Variants in TMEM87B observed in about 807,000 individuals in gnomAD.
TMEM87B encodes the protein transmembrane protein 87B.
Under a neutral mutation model 80.3 loss-of-function variants are expected in TMEM87B, and 83 were observed. The observed-to-expected ratio is 1.03, with a 90% CI of 0.87 to 1.24. The LOEUF (loss-of-function observed/expected upper bound fraction) is 1.24. TMEM87B is among the 50% of genes most tolerant of loss of function. The pLI is 0.00. For missense variants in TMEM87B, 625 were observed against 674.4 expected (o/e 0.93, Z 0.81); for synonymous variants, 219 against 230.5 (o/e 0.95, Z 0.45).
At chr2:112,095,423 G>A in intron 11 of TMEM87B, 1 of 983,146 alleles carries the variant, frequency 1.0e-6, no homozygotes, top group Non-Finnish European at 1.2e-6. Context: ...ACAGTGTCTT[G>A]GTAAGTGGAG....
rs561752709 is a variant in TMEM87B at position 112,109,664 on chromosome 2, C to CTTTT, written c.1577+1843_1577+1846dup. ...TGTTTATGATATGCCTAAGTATGGT[C>CTTTT]TTTTTTTTTTTTTTTTTTTTTTGTC... On this transcript the variant is annotated intron_variant, in intron 17 of 18. Transcript: ENST00000283206. Among the ~76,000 whole-genome samples the CTTTT allele has an allele frequency of 9.4e-3, 434 of 46,330 alleles. 17 individuals are homozygous for CTTTT. The highest frequency in any genetic ancestry group is 0.019 in the Middle Eastern group (1 of 52). The allele number at this position is 46,330 out of a possible 152,430, so 30.4% of individuals were successfully genotyped here. A position where few individuals can be genotyped will look rare whatever the true frequency, so the allele number is the denominator to read the frequency against.
intron 11 of TMEM87B, among the ~76,000 whole-genome samples, chr2:112,094,946 T>A (rs1335193506): frequency 6.6e-6 from 1 of 151,728 alleles, no homozygotes; most frequent in Non-Finnish European, 1.5e-5. Flanking sequence ...AAAGCAGAAC[T>A]AAATACGTAT....
chr2:112,085,957 G>A (rs1410775086), intron 8 of TMEM87B, 48 bp from the exon 9 acceptor site: 6 of 1,519,206 alleles, frequency 3.9e-6, no homozygotes, highest in African/African-American at 1.4e-5. Context: ...TGGTTGGCAG[G>A]CTTCCAGGTG....
At chr2:112,106,455 T>C (rs1055150127) in intron 16 of TMEM87B, among the ~76,000 whole-genome samples, 5 of 152,160 alleles carry the variant, frequency 3.3e-5, no homozygotes, top group African/African-American at 1.2e-4. Flanking sequence ...AATAAAAGCT[T>C]GTGTTAACTT....
Position 112,098,552 on chromosome 2 carries a change from ATCAGAAAATTAACGTT to A in TMEM87B, c.1273-39_1273-24del, listed in dbSNP as rs772846302. The A allele has an allele frequency of 7.0e-6, 11 of 1,578,234 alleles. No homozygotes were observed. The African/African-American group carries it at 1.2e-4, about 17-fold the overall frequency. On this transcript the variant is annotated intron_variant, in intron 13 of 18. Coordinates refer to ENST00000283206, the MANE Select transcript of TMEM87B (RefSeq NM_032824.3). The stretch of plus-strand genomic sequence containing the variant: ...ATTTGAATGGGAAACCTATATGCTT[ATCAGAAAATTAACGTT>A]TCATGCTTGAATTGTCCTTCTTTTA...
chr2:112,091,948 C>G (rs1371284365), intron 11 of TMEM87B, among the ~76,000 whole-genome samples, 165 bp downstream of exon 11: 1 of 152,174 alleles, frequency 6.6e-6, no homozygotes, highest in Non-Finnish European at 1.5e-5. Flanking sequence ...CAAGGAATAT[C>G]TTTATTTTTT....
intron 6 of TMEM87B, among the ~76,000 whole-genome samples, chr2:112,077,489 T>A (rs1033176015): frequency 6.6e-6 from 1 of 152,234 alleles, no homozygotes; most frequent in Admixed American, 6.5e-5. Flanking sequence ...AATTTTACTG[T>A]GTTAAGATAA....
At chr2:112,085,780 G>A (rs1455950730) in intron 8 of TMEM87B, among the ~76,000 whole-genome samples, 1 of 152,208 alleles carries the variant, frequency 6.6e-6, no homozygotes, top group Admixed American at 6.5e-5. Context: ...AGAAAGCTGT[G>A]CCCAGTGGAG....
intron 3 of TMEM87B, among the ~76,000 whole-genome samples, chr2:112,065,666 A>C (rs1010375522): frequency 1.8e-4 from 26 of 146,884 alleles, no homozygotes; most frequent in Admixed American, 2.7e-4. Context: ...AAAAAAAAAA[A>C]GTTCACCAGT....
intron 1 of TMEM87B, among the ~76,000 whole-genome samples, 157 bp from the exon 2 acceptor site, chr2:112,059,819 AG>A (rs1318493964): frequency 6.6e-6 from 1 of 152,212 alleles, no homozygotes; most frequent in East Asian, 1.9e-4. Context: ...AACCATGACA[AG>A]GTTTTAAGCA....
At chr2:112,080,501 C>T (rs559902814) in intron 6 of TMEM87B, among the ~76,000 whole-genome samples, 18 of 149,142 alleles carry the variant, frequency 1.2e-4, no homozygotes, top group African/African-American at 1.7e-4. Flanking sequence ...CCTCGTAATC[C>T]GCCCGCCTTG....
At chr2:112,070,146 T>C (rs990064138) in intron 4 of TMEM87B, among the ~76,000 whole-genome samples, 1 of 152,232 alleles carries the variant, frequency 6.6e-6, no homozygotes, top group African/African-American at 2.4e-5. Flanking sequence ...GTTGATAGTT[T>C]CTTTTGCTGT....
intron 5 of TMEM87B, 91 bp downstream of exon 5, chr2:112,075,053 T>C (rs572454165): frequency 1.4e-6 from 2 of 1,474,012 alleles, no homozygotes; most frequent in Non-Finnish European, 1.8e-6. Flanking sequence ...TAGAGAGTGA[T>C]ATAAAGTAGG....
chr2:112,094,193 C>T (rs1485952347), intron 11 of TMEM87B, among the ~76,000 whole-genome samples: 3 of 146,834 alleles, frequency 2.0e-5, no homozygotes, highest in East Asian at 3.9e-4. Context: ...GACGGAGTCT[C>T]GCTCTGTCAC....
intron 10 of TMEM87B, 118 bp downstream of exon 10, chr2:112,089,836 T>C: frequency 1.1e-6 from 1 of 886,652 alleles, no homozygotes; most frequent in Non-Finnish European, 1.8e-6. Context: ...CAATTTGAAC[T>C]TTTCTTCTAT....
rs753673192 is a variant in TMEM87B at position 112,055,793 on chromosome 2, CGGGCCGTCA to C, written c.165+46_165+54del. 5 of 1,449,898 alleles carry C rather than the reference CGGGCCGTCA, an allele frequency of 3.4e-6. No homozygotes were observed. In the South Asian group the frequency reaches 4.4e-5, roughly 13 times the overall value. The allele number at this position is 1,449,898 out of a possible 1,614,324, so 89.8% of individuals were successfully genotyped here. ...GTCGGGACCCAGGCGTGGCACGTCTCGGGCCGTCAGGGCCGTCGTGCGGCTTCGCTTGAC... is the reference window on the plus strand; with the variant it reads ...GTCGGGACCCAGGCGTGGCACGTCTCGGGCCGTCGTGCGGCTTCGCTTGAC... On this transcript the variant is annotated intron_variant, in intron 1 of 18. Transcript: ENST00000283206.
In TMEM87B at chr2:112,055,605, G is replaced by A. The variant is rs62001036; in HGVS notation, c.14G>A (p.Cys5Tyr). The A allele has an allele frequency of 1.7e-5, 26 of 1,529,160 alleles. No individual in the cohort carries two copies. Among genetic ancestry groups the A allele is most frequent in the Non-Finnish European group, 2.2e-5 (25 of 1,140,264 alleles). The allele number at this position is 1,529,160 out of a possible 1,614,324, so 94.7% of individuals were successfully genotyped here. The change falls in exon 1 of 19, where the codon TGC (cysteine) becomes TAC (tyrosine). Residue 5 changes from cysteine to tyrosine, a missense_variant. Physicochemically the swap from Cys to Tyr is radical, Grantham distance 194 (BLOSUM62 -2). Coordinates refer to ENST00000283206, the MANE Select transcript of TMEM87B (RefSeq NM_032824.3). Reference protein sequence around the residue: MVAACRSVAGLLPRR... With the variant: MVAAYRSVAGLLPRR... ...TTCCTGGTCAAGATGGTCGCCGCCT[G>A]CCGCTCGGTAGCCGGGCTCCTGCCA...
In TMEM87B at chr2:112,106,011, TA is replaced by T; in HGVS notation, c.1464del (p.Lys488AsnfsTer2). The T allele has an allele frequency of 6.4e-7, 1 of 1,567,862 alleles. No homozygotes were observed. On this transcript the variant is annotated frameshift_variant, in exon 16 of 19. Coordinates refer to ENST00000283206, the MANE Select transcript of TMEM87B (RefSeq NM_032824.3). LOFTEE classifies it high-confidence loss of function. ...MVTSENLTEG[I>X]KLRASKSVSN... ...ATAATGTCTCTCGTAGCCGAAGGAA[TA>T]AAATTAAGAGCCTCAAAATCAGTTT... is the stretch of plus-strand genomic sequence containing the variant.
At chr2:112,116,061 A>G in intron 18 of TMEM87B, 23 bp from the exon 19 acceptor site, 2 of 1,605,478 alleles carry the variant, frequency 1.2e-6, no homozygotes, top group Non-Finnish European at 1.7e-6. Context: ...ATGTTGATAC[A>G]TATCTTCTTT....
Sources: gnomAD v4.1 joint callset for allele counts (sites outside exome capture counted in the v4.1 genomes callset) on GRCh38, gnomAD v4.1.1 for gene constraint, MANE v1.5 for transcripts, NCBI Gene and HGNC (gene_info 2026-07-23, HGNC 2026-07-21) for gene names.